The following SAMMSON variants were observed in gnomAD, a reference collection of about 807,000 sequenced individuals.
The protein encoded by SAMMSON is long intergenic non-protein coding RNA 1212.
chr3:70,127,353 T>C (rs1182067975), intron 4 of SAMMSON: 1 of 152,108 alleles, frequency 6.6e-6, no homozygotes, highest in Non-Finnish European at 1.5e-5. Context: ...CAGCAGCCCA[T>C]GGGTGTTTAT....
At chr3:70,430,570 A>G (rs914822595) in intron 2 of SAMMSON, among the ~76,000 whole-genome samples, 2 of 152,132 alleles carry the variant, frequency 1.3e-5, no homozygotes, top group African/African-American at 4.8e-5. Context: ...GCAGAAGACC[A>G]TATCTGGAAT....
intron 3 of SAMMSON, among the ~76,000 whole-genome samples, chr3:70,046,505 C>T (rs915256813): frequency 3.3e-5 from 5 of 152,038 alleles, no homozygotes; most frequent in African/African-American, 1.2e-4. Context: ...TTACATTATT[C>T]ATTTTATTCT....
At chr3:70,101,388 C>CAT (rs2067345344) in intron 4 of SAMMSON, among the ~76,000 whole-genome samples, 2 of 150,592 alleles carry the variant, frequency 1.3e-5, no homozygotes, top group South Asian at 4.2e-4. Context: ...ATATTGGGGA[C>CAT]ATTTTTTATG....
At chr3:70,177,248 A>G (rs1701015220) in intron 4 of SAMMSON, among the ~76,000 whole-genome samples, 1 of 152,236 alleles carries the variant, frequency 6.6e-6, no homozygotes, top group Admixed American at 6.5e-5. Context: ...TTACACTGGT[A>G]CATACCCCTA....
At chr3:70,349,024 G>GT (rs1466693585) in intron 7 of SAMMSON, among the ~76,000 whole-genome samples, 1 of 152,134 alleles carries the variant, frequency 6.6e-6, no homozygotes, top group Non-Finnish European at 1.5e-5. Context: ...TGTGATCCTG[G>GT]TTGCTGGAGC....
At position 70,144,634 on chromosome 3, in the gene SAMMSON, TC is replaced by T. The variant is rs556474302; in HGVS notation, n.507+73072del. 2.6e-3 allele frequency among the ~76,000 whole-genome samples: 397 copies of T among 152,282 alleles called. 1 individual carries two copies. The highest frequency in any genetic ancestry group is 9.0e-3 in the African/African-American group (374 of 41,578). ...CCCCACCCAAATCTCATCTTGTAGC[TC>T]CCATAATTCCCATATGTTGTGGGAG... On this transcript the variant is annotated intron_variant and non_coding_transcript_variant, in intron 4 of 9. Coordinates refer to ENST00000642114, the Ensembl canonical transcript of SAMMSON.
intron 2 of SAMMSON, among the ~76,000 whole-genome samples, chr3:70,428,480 G>GTCAAATGTGCC (rs879304915): frequency 3.3e-5 from 5 of 152,272 alleles, no homozygotes; most frequent in African/African-American, 4.8e-5. Context: ...AATGCAGTGG[G>GTCAAATGTGCC]AAAAGTGCTT....
intron 7 of SAMMSON, among the ~76,000 whole-genome samples, chr3:70,338,610 G>C (rs1364404220): frequency 6.6e-6 from 1 of 152,030 alleles, no homozygotes; most frequent in East Asian, 1.9e-4. Flanking sequence ...ACCAATAACA[G>C]ACAAACAGAG....
At chr3:70,382,298 G>T (rs1404478416) in intron 9 of SAMMSON, among the ~76,000 whole-genome samples, 1 of 151,968 alleles carries the variant, frequency 6.6e-6, no homozygotes, top group Non-Finnish European at 1.5e-5. Context: ...ATTCTTAACA[G>T]TATCTTTTGA....
chr3:70,316,374 G>A lies in SAMMSON; in HGVS notation n.739+25131G>A, dbSNP rs371323500. Among the ~76,000 whole-genome samples the A allele has an allele frequency of 2.2e-4, 33 of 152,074 alleles. No individual in the cohort carries two copies. The East Asian group carries it at 2.7e-3, about 12-fold the overall frequency. On this transcript the variant is annotated intron_variant and non_coding_transcript_variant, in intron 7 of 9. Coordinates refer to ENST00000642114, the Ensembl canonical transcript of SAMMSON. ...GAAGATGAAATTAATCAATGCGTAG[G>A]TATGTCACCAACTCAGATTACTGAA...
chr3:70,387,210 C>T (rs1313822910), intron 9 of SAMMSON, among the ~76,000 whole-genome samples: 1 of 152,014 alleles, frequency 6.6e-6, no homozygotes. Context: ...GTTATTGTCA[C>T]AGTGTAGAAG....
At chr3:70,412,867 A>G (rs1393103916) in intron 2 of SAMMSON, among the ~76,000 whole-genome samples, 1 of 152,114 alleles carries the variant, frequency 6.6e-6, no homozygotes, top group Non-Finnish European at 1.5e-5. Flanking sequence ...TTACAATAAT[A>G]ATTATTCTAA....
At chr3:70,065,526 T>C (rs1174488779) in intron 3 of SAMMSON, among the ~76,000 whole-genome samples, 2 of 152,016 alleles carry the variant, frequency 1.3e-5, no homozygotes, top group Non-Finnish European at 2.9e-5. Context: ...TTTTGTTTTT[T>C]TTAGAAAAAA....
At chr3:70,361,948 T>C (rs1702874034) in intron 9 of SAMMSON, among the ~76,000 whole-genome samples, 1 of 152,164 alleles carries the variant, frequency 6.6e-6, no homozygotes, top group South Asian at 2.1e-4. Flanking sequence ...GACTGAATCT[T>C]TTGCTATATA....
At chr3:70,166,536 G>T (rs1197103185) in intron 4 of SAMMSON, among the ~76,000 whole-genome samples, 1 of 151,906 alleles carries the variant, frequency 6.6e-6, no homozygotes. Context: ...TATCCTCCAT[G>T]GCATTCTTTA....
At chr3:70,288,453 T>C (rs940013055) in intron 6 of SAMMSON, among the ~76,000 whole-genome samples, 4 of 151,366 alleles carry the variant, frequency 2.6e-5, no homozygotes, top group Admixed American at 2.6e-4. Context: ...TTCTTTTGCA[T>C]TTGCTGAGGA....
At chr3:70,185,726 G>A (rs11714017) in intron 4 of SAMMSON, among the ~76,000 whole-genome samples, 2 of 150,824 alleles carry the variant, frequency 1.3e-5, no homozygotes, top group East Asian at 1.9e-4. Flanking sequence ...GCCAGGTGTA[G>A]TGGCACATGC....
chr3:70,337,928 T>G (rs1330492630), intron 7 of SAMMSON, among the ~76,000 whole-genome samples: 1 of 151,812 alleles, frequency 6.6e-6, no homozygotes, highest in Non-Finnish European at 1.5e-5. Flanking sequence ...CCTAGTTTAT[T>G]TGAAATATTT....
At chr3:70,399,776 G>A (rs916962344) in intron 2 of SAMMSON, among the ~76,000 whole-genome samples, 1 of 151,362 alleles carries the variant, frequency 6.6e-6, no homozygotes. Context: ...TCGGGAGGCA[G>A]CGGCAGGAGA....
Sources: allele counts gnomAD v4.1 joint callset (sites outside exome capture counted in the v4.1 genomes callset), GRCh38; gene constraint gnomAD v4.1.1; transcripts MANE v1.5; gene names NCBI Gene and HGNC (gene_info 2026-07-23, HGNC 2026-07-21).